ZNF215: variants seen among roughly 807,000 people sequenced by gnomAD.
The protein encoded by ZNF215 is BWSCR2-associated zinc finger protein 2.
A neutral mutation model predicts 27.2 loss-of-function variants in ZNF215; 24 were observed. The ratio of observed to expected loss-of-function variants is 0.88; its 90% CI spans 0.64 to 1.24. The LOEUF is 1.24. ZNF215 is among the 50% of genes most tolerant of loss of function. The pLI is 0.00. For missense variants in ZNF215, 675 were observed against 605.7 expected, an observed-to-expected ratio of 1.11 and a Z score of -1.20; for synonymous variants, 210 against 204.0, an observed-to-expected ratio of 1.03 and a Z score of -0.25.
At chr11:6,966,109 T>A (rs1345079983) in intron 5 of ZNF215, among the ~76,000 whole-genome samples, 1 of 152,200 alleles carries the variant, frequency 6.6e-6, no homozygotes, top group African/African-American at 2.4e-5. Context: ...CTATTCAGGT[T>A]GTTTCTTCTT....
Position 6,956,633 on chromosome 11 carries a change from A to C in ZNF215, c.*102A>C, listed in dbSNP as rs1850370811. 3.5e-6 allele frequency: 5 copies of C among 1,417,972 alleles called. No individual in the cohort carries two copies. The highest frequency in any genetic ancestry group is 3.7e-6 in the Non-Finnish European group (4 of 1,092,002). The allele number at this position is 1,417,972 out of a possible 1,614,324, so 87.8% of individuals were successfully genotyped here. ...TCTCATGAATATAATGTAAGAAAACATTTGTCAGATTTTTCTTTAAATGAT... is the reference window on the plus strand; with the variant it reads ...TCTCATGAATATAATGTAAGAAAACCTTTGTCAGATTTTTCTTTAAATGAT... On this transcript the variant is annotated 3_prime_UTR_variant, in exon 7 of 7. Transcript: ENST00000278319.
At chr11:6,975,097 C>G (rs1006126847) in intron 5 of ZNF215, among the ~76,000 whole-genome samples, 5 of 152,200 alleles carry the variant, frequency 3.3e-5, no homozygotes, top group Admixed American at 2.0e-4. Flanking sequence ...GAGTTTTTAG[C>G]ATGAAGCGCT....
intron 5 of ZNF215, among the ~76,000 whole-genome samples, chr11:6,977,959 A>T (rs1014470740): frequency 6.6e-6 from 1 of 152,194 alleles, no homozygotes; most frequent in East Asian, 1.9e-4. Context: ...GCAAAAGGAA[A>T]CTATAAAGAT....
intron 6 of ZNF215, among the ~76,000 whole-genome samples, chr11:6,946,939 G>C (rs1387248249): frequency 6.6e-6 from 1 of 152,152 alleles, no homozygotes; most frequent in Non-Finnish European, 1.5e-5. Flanking sequence ...TGTTTATGTG[G>C]TTTATTGATT....
At chr11:6,967,263 A>G (rs1850640161) in intron 5 of ZNF215, among the ~76,000 whole-genome samples, 3 of 152,218 alleles carry the variant, frequency 2.0e-5, no homozygotes, top group South Asian at 2.1e-4. Flanking sequence ...TAGTGCTGCA[A>G]TAAACATACA....
chr11:6,933,183 T>G (rs1220019010), intron 3 of ZNF215, among the ~76,000 whole-genome samples: 1 of 152,234 alleles, frequency 6.6e-6, no homozygotes, highest in Non-Finnish European at 1.5e-5. Context: ...TGTGATAGAT[T>G]AGGTGTTAGA....
chr11:6,952,812 G>A (rs561448350), intron 6 of ZNF215, among the ~76,000 whole-genome samples: 48 of 152,100 alleles, frequency 3.2e-4, no homozygotes, highest in African/African-American at 1.1e-3. Flanking sequence ...GTTAGTTGAT[G>A]CAGTTTCTTC....
chr11:6,948,078 T>C lies in ZNF215; in HGVS notation c.712+4437T>C, dbSNP rs192328725. On this transcript the variant is annotated intron_variant, in intron 6 of 6. Transcript: ENST00000278319. Reference sequence around the variant, plus strand: ...CCACATTCTGTTGGCTTAGCAATCATTGGATCTGCCCAGATTCAAGGAGAA... The same window carrying C: ...CCACATTCTGTTGGCTTAGCAATCACTGGATCTGCCCAGATTCAAGGAGAA... Among the ~76,000 whole-genome samples, 305 of 152,296 alleles carry C rather than the reference T, an allele frequency of 2.0e-3. 4 individuals carry two copies. The highest frequency in any genetic ancestry group is 0.016 in the Admixed American group (247 of 15,302).
At chr11:6,953,300 A>C (rs1187264920) in intron 6 of ZNF215, among the ~76,000 whole-genome samples, 2 of 152,214 alleles carry the variant, frequency 1.3e-5, no homozygotes, top group Admixed American at 1.3e-4. Flanking sequence ...AGATTGGGAA[A>C]GTTCTCCTGG....
downstream of ZNF215, among the ~76,000 whole-genome samples, chr11:6,989,098 G>T (rs576654094): frequency 1.9e-4 from 27 of 139,708 alleles, no homozygotes; most frequent in Admixed American, 9.2e-4. Flanking sequence ...AGAGGTTGCA[G>T]TGAGCCCAGA....
At chr11:6,985,853 A>G (rs1261158239), downstream of ZNF215, among the ~76,000 whole-genome samples, 10 of 152,150 alleles carry the variant, frequency 6.6e-5, no homozygotes, top group Admixed American at 6.6e-4. Context: ...CTCTACAAGG[A>G]GAATTACAAA....
chr11:6,929,037 C>T (rs1849162147), intron 2 of ZNF215, among the ~76,000 whole-genome samples: 2 of 152,042 alleles, frequency 1.3e-5, no homozygotes, highest in African/African-American at 4.8e-5. Context: ...TTACAGGAAG[C>T]ACTTGTTTCA....
intron 5 of ZNF215, among the ~76,000 whole-genome samples, chr11:6,976,323 T>C (rs943605231): frequency 2.0e-5 from 3 of 152,002 alleles, no homozygotes; most frequent in African/African-American, 7.2e-5. Flanking sequence ...GTCCAATTAA[T>C]GTCTTAAAAT....
At chr11:6,945,064 C>T (rs1198623457) in intron 6 of ZNF215, among the ~76,000 whole-genome samples, 1 of 152,126 alleles carries the variant, frequency 6.6e-6, no homozygotes, top group Non-Finnish European at 1.5e-5. Context: ...AGTTGTCTTA[C>T]ATTATGCTAA....
intron 6 of ZNF215, among the ~76,000 whole-genome samples, chr11:6,948,120 T>G (rs555068355): frequency 7.2e-5 from 11 of 152,304 alleles, no homozygotes; most frequent in African/African-American, 2.6e-4. Flanking sequence ...TAAACTCTAC[T>G]TCAGGATGGG....
At chr11:6,971,696 CAT>C (rs1169998064) in intron 5 of ZNF215, among the ~76,000 whole-genome samples, 8 of 152,010 alleles carry the variant, frequency 5.3e-5, no homozygotes, top group Admixed American at 3.9e-4. Flanking sequence ...GAATTAGAGA[CAT>C]AGAAAATTGT....
chr11:6,962,549 CTA>C (rs1292618986), downstream of ZNF215, among the ~76,000 whole-genome samples: 1 of 152,104 alleles, frequency 6.6e-6, no homozygotes, highest in Non-Finnish European at 1.5e-5. Flanking sequence ...TTTCTGTACT[CTA>C]TTATGTTATC....
At chr11:6,944,728 A>G (rs1043799618) in intron 6 of ZNF215, among the ~76,000 whole-genome samples, 5 of 152,118 alleles carry the variant, frequency 3.3e-5, no homozygotes, top group Admixed American at 6.5e-5. Context: ...TTTGTTTGTA[A>G]TGTTTTATCT....
At chr11:6,943,460 C>A in intron 5 of ZNF215, 86 bp from the exon 6 acceptor site, 1 of 1,303,316 alleles carries the variant, frequency 7.7e-7, no homozygotes, top group Non-Finnish European at 1.1e-6. Flanking sequence ...ATTACTGTGT[C>A]GGGATAGAAT....
Sources: gnomAD v4.1 joint callset for allele counts (sites outside exome capture counted in the v4.1 genomes callset) on GRCh38, gnomAD v4.1.1 for gene constraint, MANE v1.5 for transcripts, NCBI Gene and HGNC (gene_info 2026-07-23, HGNC 2026-07-21) for gene names.